Variants in C6orf163 observed in about 807,000 individuals in gnomAD.
C6orf163 encodes the protein uncharacterized protein C6orf163.
C6orf163 carries 22 observed loss-of-function variants against 28.4 expected under a neutral mutation model. The observed-to-expected ratio is 0.78, with a 90% CI of 0.55 to 1.11. The LOEUF (loss-of-function observed/expected upper bound fraction) is 1.11. Among genes scored for constraint, C6orf163 ranks in the 50% least tolerant of loss-of-function variants. C6orf163 has a pLI of 0.00. For synonymous variants in C6orf163, 110 were observed against 123.6 expected (o/e 0.89, Z 0.73); for missense variants, 342 against 389.1 (o/e 0.88, Z 1.02).
At chr6:87,351,479 C>T (rs1393544605) in intron 3 of C6orf163, among the ~76,000 whole-genome samples, 1 of 152,168 alleles carries the variant, frequency 6.6e-6, no homozygotes, top group Non-Finnish European at 1.5e-5. Context: ...GGAGCTCCTC[C>T]CCATGAGTCC....
intron 4 of C6orf163, chr6:87,356,813 A>C: frequency 3.7e-6 from 1 of 269,848 alleles, no homozygotes; most frequent in Non-Finnish European, 7.1e-6. Context: ...AAAGATAGCT[A>C]CTCTCTAAAT....
In C6orf163 at chr6:87,349,044, CAA is replaced by C. The variant is rs532548402; in HGVS notation, c.243+139_243+140del. On this transcript the variant is annotated intron_variant, in intron 2 of 4. Coordinates refer to ENST00000388923, the MANE Select transcript of C6orf163 (RefSeq NM_001010868.3). ...GCTGTGGGACATTGGGCAAGTTCTA[CAA>C]CCTCTGTAGTCTTGGTTTCTTCATT... 2.3e-3 allele frequency: 2,454 copies of C among 1,090,432 alleles called. 6 individuals carry two copies. The highest frequency in any genetic ancestry group is 2.7e-3 in the Non-Finnish European group (2,168 of 792,090). 67.5% of individuals were successfully genotyped at this position (1,090,432 alleles called of 1,614,324 possible). A position where few individuals can be genotyped will look rare whatever the true frequency, so the allele number is the denominator to read the frequency against.
rs1285188273 is a variant in C6orf163, at chr6:87,365,071, G to A, written c.665G>A (p.Gly222Asp). The A allele has an allele frequency of 2.0e-5, 31 of 1,551,762 alleles. No individual in the cohort carries two copies. The highest frequency in any genetic ancestry group is 2.6e-5 in the Non-Finnish European group (30 of 1,146,932). Residue 222 changes from glycine (G) to aspartate (D), a missense_variant, in exon 5 of 5, where the codon GGC (glycine) becomes GAC (aspartate). Physicochemically the swap from Gly to Asp is moderately conservative, Grantham distance 94 (BLOSUM62 -1). Coordinates refer to ENST00000388923, the MANE Select transcript of C6orf163 (RefSeq NM_001010868.3). ...EKEHEMSILY[G>D]IAQRQRQEEV... ...GAACATGAAATGAGCATCCTCTATGGCATAGCTCAGAGGCAGAGGCAAGAA... is the reference window on the plus strand; with the variant it reads ...GAACATGAAATGAGCATCCTCTATGACATAGCTCAGAGGCAGAGGCAAGAA...
At chr6:87,349,828 G>C (rs1777383064) in intron 2 of C6orf163, among the ~76,000 whole-genome samples, 3 of 152,170 alleles carry the variant, frequency 2.0e-5, no homozygotes, top group Non-Finnish European at 4.4e-5. Context: ...AATTCAAACT[G>C]ATTGTGAACC....
intron 3 of C6orf163, 73 bp downstream of exon 3, chr6:87,350,574 G>A: frequency 1.2e-6 from 1 of 862,634 alleles, no homozygotes; most frequent in South Asian, 1.6e-5. Context: ...GCAAGGGAAT[G>A]AGAAAAAAAT....
At chr6:87,353,868 T>C (rs1777456916) in intron 3 of C6orf163, among the ~76,000 whole-genome samples, 1 of 152,236 alleles carries the variant, frequency 6.6e-6, no homozygotes, top group South Asian at 2.1e-4. Context: ...TTTTCTTTTC[T>C]TTTGAAATGG....
intron 1 of C6orf163, 142 bp from the exon 2 acceptor site, chr6:87,348,670 G>T: frequency 7.1e-7 from 1 of 1,412,572 alleles, no homozygotes; most frequent in Non-Finnish European, 9.2e-7. Flanking sequence ...TCTTTCAATG[G>T]GTATCTTTGA....
chr6:87,354,307 T>C (rs1008963266), intron 3 of C6orf163, among the ~76,000 whole-genome samples: 2 of 152,226 alleles, frequency 1.3e-5, no homozygotes, highest in Non-Finnish European at 2.9e-5. Flanking sequence ...AAATTTGATT[T>C]GATACCTACA....
chr6:87,348,776 G>T (rs912279836), intron 1 of C6orf163, 36 bp from the exon 2 acceptor site: 3 of 1,534,774 alleles, frequency 2.0e-6, no homozygotes, highest in Non-Finnish European at 1.7e-6. Flanking sequence ...GAAGCAGTCG[G>T]TGGAGGTTTG....
chr6:87,361,103 G>C (rs1339300188), intron 4 of C6orf163, among the ~76,000 whole-genome samples: 1 of 152,052 alleles, frequency 6.6e-6, no homozygotes, highest in Non-Finnish European at 1.5e-5. Context: ...TGGCCAACAT[G>C]GCAAAACCCT....
intron 4 of C6orf163, among the ~76,000 whole-genome samples, chr6:87,361,509 A>C (rs898824815): frequency 6.6e-6 from 1 of 152,116 alleles, no homozygotes; most frequent in Non-Finnish European, 1.5e-5. Context: ...GGTGAGAGGA[A>C]AGTCAGCCCC....
chr6:87,348,194 T>A (rs1039276939), intron 1 of C6orf163: 1 of 983,754 alleles, frequency 1.0e-6, no homozygotes, highest in Non-Finnish European at 1.2e-6. Flanking sequence ...GACCTGGCTG[T>A]CTGATATTGC....
chr6:87,360,703 A>G (rs1777568171), intron 4 of C6orf163, among the ~76,000 whole-genome samples: 1 of 152,128 alleles, frequency 6.6e-6, no homozygotes, highest in Non-Finnish European at 1.5e-5. Flanking sequence ...GCCCAGCCTC[A>G]TTAATTCTTT....
At position 87,350,432 on chromosome 6, in the gene C6orf163, TGAA is replaced by T. The variant is rs1470649907; in HGVS notation, c.287_289del (p.Glu96del). 12 of 1,535,602 alleles carry T rather than the reference TGAA, an allele frequency of 7.8e-6. No individual in the cohort carries two copies. Among genetic ancestry groups the T allele is most frequent in the East Asian group, 2.4e-5 (1 of 40,882 alleles). ...AAAAACAAGCAGTGGAGAAAGCACTTGAAGAAGCAAATGACAGACACAAAATTG... is the reference window on the plus strand; with the variant it reads ...AAAAACAAGCAGTGGAGAAAGCACTTGAAGCAAATGACAGACACAAAATTG... On this transcript the variant is annotated inframe_deletion, in exon 3 of 5. Transcript: ENST00000388923.
intron 1 of C6orf163, among the ~76,000 whole-genome samples, chr6:87,346,696 A>C (rs1224102949): frequency 6.6e-6 from 1 of 152,248 alleles, no homozygotes; most frequent in Non-Finnish European, 1.5e-5. Flanking sequence ...CTTTGAAAAA[A>C]AATATTAATA....
chr6:87,350,107 G>C (rs1777387850), intron 2 of C6orf163, among the ~76,000 whole-genome samples: 1 of 152,186 alleles, frequency 6.6e-6, no homozygotes, highest in South Asian at 2.1e-4. Flanking sequence ...GTGCCAAAGA[G>C]AAAAGGCAAC....
Position 87,345,181 on chromosome 6 carries a change from AC to A in C6orf163, c.84del (p.Phe29SerfsTer21). The A allele has an allele frequency of 6.5e-7, 1 of 1,536,840 alleles. No individual in the cohort carries two copies. The highest frequency in any genetic ancestry group is 8.7e-7 in the Non-Finnish European group (1 of 1,146,760). On this transcript the variant is annotated frameshift_variant, in exon 1 of 5. Coordinates refer to ENST00000388923, the MANE Select transcript of C6orf163 (RefSeq NM_001010868.3). LOFTEE classifies it high-confidence loss of function. ...AATTCCACCAGCCCCTTTTGGAAAA[AC>A]CTTCAAACGGATCCATGAATACAAG... ...KIIPPAPFGK[T>X]FKRIHEYKPL... is the part of the protein sequence containing the mutation.
intron 4 of C6orf163, among the ~76,000 whole-genome samples, chr6:87,361,043 A>C (rs982879296): frequency 2.0e-5 from 3 of 152,160 alleles, no homozygotes; most frequent in Non-Finnish European, 4.4e-5. Flanking sequence ...TCATGCTTGT[A>C]ATCCCAGCAC....
At chr6:87,363,165 G>C (rs952309571) in intron 4 of C6orf163, among the ~76,000 whole-genome samples, 3 of 152,102 alleles carry the variant, frequency 2.0e-5, no homozygotes, top group African/African-American at 7.2e-5. Context: ...GACATGGTAA[G>C]AGGTCAACAT....
Sources: gnomAD v4.1 joint callset for allele counts (sites outside exome capture counted in the v4.1 genomes callset) on GRCh38, gnomAD v4.1.1 for gene constraint, MANE v1.5 for transcripts, NCBI Gene and HGNC (gene_info 2026-07-23, HGNC 2026-07-21) for gene names.